ARB2A: variants seen among roughly 807,000 people sequenced by gnomAD.
ARB2A encodes cotranscriptional regulator ARB2A.
At chr5:94,102,758 G>C in the ARB2A span, among the ~76,000 whole-genome samples, 1 of 151,856 alleles carries the variant, frequency 6.6e-6, no homozygotes, top group African/African-American at 2.4e-5. Context: ...ATCTTAAAGG[G>C]AGCTAAAAAG....
At chr5:93,942,663 T>C in the ARB2A span, among the ~76,000 whole-genome samples, 1 of 151,588 alleles carries the variant, frequency 6.6e-6, no homozygotes, top group African/African-American at 2.4e-5. Context: ...TTCATGACTA[T>C]TTAAAATATA....
chr5:94,038,404 C>G, the ARB2A span, among the ~76,000 whole-genome samples: 1 of 151,996 alleles, frequency 6.6e-6, no homozygotes, highest in Non-Finnish European at 1.5e-5. Context: ...CCTCCTTAAG[C>G]TAACAGTATT....
chr5:94,000,104 T>C, the ARB2A span, among the ~76,000 whole-genome samples: 4 of 152,116 alleles, frequency 2.6e-5, no homozygotes, highest in African/African-American at 9.6e-5. Flanking sequence ...TTTTGGCAAT[T>C]ATGAATAAAT....
chr5:93,905,083 G>T, the ARB2A span, among the ~76,000 whole-genome samples: 4 of 151,646 alleles, frequency 2.6e-5, no homozygotes, highest in Non-Finnish European at 5.9e-5. Flanking sequence ...CCTACGAATT[G>T]TCTCTGTCCC....
At chr5:93,707,598 G>A in the ARB2A span, among the ~76,000 whole-genome samples, 1 of 136,462 alleles carries the variant, frequency 7.3e-6, no homozygotes, top group African/African-American at 2.8e-5. Context: ...TTTTTGAGAC[G>A]GAGTCTCACA....
the ARB2A span, among the ~76,000 whole-genome samples, chr5:93,984,803 GA>G: frequency 1.3e-5 from 2 of 152,062 alleles, no homozygotes; most frequent in Non-Finnish European, 2.9e-5. Flanking sequence ...ATGAATGAAT[GA>G]AAAAAATTTA....
chr5:94,027,335 G>A, the ARB2A span, among the ~76,000 whole-genome samples: 1 of 152,122 alleles, frequency 6.6e-6, no homozygotes, highest in Non-Finnish European at 1.5e-5. Flanking sequence ...AGGTAATGGG[G>A]GCCAGTCACC....
the ARB2A span, among the ~76,000 whole-genome samples, chr5:93,709,736 C>A: frequency 6.7e-6 from 1 of 150,122 alleles, no homozygotes; most frequent in Admixed American, 6.6e-5. Flanking sequence ...GAATAAGGTG[C>A]TATAAATCCA....
At chr5:94,018,823 T>C in the ARB2A span, among the ~76,000 whole-genome samples, 4 of 152,034 alleles carry the variant, frequency 2.6e-5, no homozygotes, top group African/African-American at 9.7e-5. Context: ...TTAAATTTCA[T>C]ATGGAACGAA....
the ARB2A span, among the ~76,000 whole-genome samples, chr5:93,837,282 A>C: frequency 2.4e-3 from 362 of 152,272 alleles, 3 homozygotes; most frequent in African/African-American, 8.4e-3. Context: ...GTTGCTGCAA[A>C]GGACATGATC....
the ARB2A span, among the ~76,000 whole-genome samples, chr5:93,801,665 C>T: frequency 6.6e-6 from 1 of 152,052 alleles, no homozygotes; most frequent in Non-Finnish European, 1.5e-5. Context: ...CATGTGAGGG[C>T]ACATGCACAC....
At chr5:93,767,355 C>T in the ARB2A span, among the ~76,000 whole-genome samples, 28 of 152,092 alleles carry the variant, frequency 1.8e-4, no homozygotes, top group Non-Finnish European at 3.5e-4. Context: ...CCTGCAAGAA[C>T]GGCCATGATA....
chr5:93,740,485 TA>T, the ARB2A span: 2 of 1,348,480 alleles, frequency 1.5e-6, no homozygotes, highest in Non-Finnish European at 2.0e-6. Context: ...AAATTAATAC[TA>T]AAAGCCCTCA....
At chr5:94,107,530 TAAA>T in the ARB2A span, among the ~76,000 whole-genome samples, 3 of 130,660 alleles carry the variant, frequency 2.3e-5, no homozygotes, top group African/African-American at 2.9e-5. Flanking sequence ...ATTCAATAGT[TAAA>T]AAAAAAAAAA....
the ARB2A span, among the ~76,000 whole-genome samples, chr5:93,778,636 T>G: frequency 1.3e-5 from 2 of 152,172 alleles, no homozygotes; most frequent in Non-Finnish European, 2.9e-5. Context: ...ACTGTATGTA[T>G]TTTAATTATT....
chr5:93,952,110 T>C, the ARB2A span, among the ~76,000 whole-genome samples: 1 of 152,056 alleles, frequency 6.6e-6, no homozygotes, highest in Non-Finnish European at 1.5e-5. Context: ...AAAGGATGAG[T>C]AGAGGGAAGA....
At chr5:93,824,014 A>C in the ARB2A span, 3 of 605,490 alleles carry the variant, frequency 5.0e-6, no homozygotes, top group Admixed American at 6.8e-5. Flanking sequence ...AAACATCATA[A>C]AATTATTTAC....
chr5:93,851,238 T>C, the ARB2A span, among the ~76,000 whole-genome samples: 1 of 152,166 alleles, frequency 6.6e-6, no homozygotes, highest in East Asian at 1.9e-4. Flanking sequence ...TAAAAATTAT[T>C]TCATTATTTC....
the ARB2A span, among the ~76,000 whole-genome samples, chr5:93,883,010 T>C: frequency 6.6e-6 from 1 of 151,550 alleles, no homozygotes; most frequent in African/African-American, 2.4e-5. Flanking sequence ...AAACCAGTAA[T>C]AGCACAGACT....
Sources: gnomAD v4.1 joint callset for allele counts (sites outside exome capture counted in the v4.1 genomes callset) on GRCh38, gnomAD v4.1.1 for gene constraint, MANE v1.5 for transcripts, NCBI Gene and HGNC (gene_info 2026-07-23, HGNC 2026-07-21) for gene names.